UBE2V2: variants seen among roughly 807,000 people sequenced by gnomAD.
UBE2V2 encodes the protein ubiquitin conjugating enzyme E2 V2, also known as ubiquitin-conjugating enzyme E2 variant 2.
UBE2V2 carries 9 observed loss-of-function variants against 17.2 expected under a neutral mutation model. The observed-to-expected ratio is 0.52, with a 90% CI of 0.32 to 0.91. UBE2V2 has a LOEUF of 0.91. UBE2V2 is among the 40% of genes least tolerant of loss of function. UBE2V2 has a pLI of 0.04. For missense variants in UBE2V2, 133 were observed against 182.6 expected (o/e 0.73, Z 1.56); for synonymous variants, 61 against 57.5 (o/e 1.06, Z -0.28).
chr8:48,000,028 G>A, the UBE2V2 span, among the ~76,000 whole-genome samples: 1 of 152,248 alleles, frequency 6.6e-6, no homozygotes, highest in South Asian at 2.1e-4. Context: ...AACCGGTTAG[G>A]TCAGGGGTTG....
At chr8:48,024,869 A>T (rs2091329477) in intron 1 of UBE2V2, among the ~76,000 whole-genome samples, 1 of 152,146 alleles carries the variant, frequency 6.6e-6, no homozygotes. Context: ...TATTCACATA[A>T]ATCTTTTTTG....
At chr8:48,022,511 A>G (rs2091312728) in intron 1 of UBE2V2, among the ~76,000 whole-genome samples, 1 of 152,104 alleles carries the variant, frequency 6.6e-6, no homozygotes, top group Non-Finnish European at 1.5e-5. Context: ...TAACCTTCCT[A>G]CTAAAGATAC....
At chr8:48,032,785 A>G (rs2091392822) in intron 1 of UBE2V2, among the ~76,000 whole-genome samples, 1 of 152,074 alleles carries the variant, frequency 6.6e-6, no homozygotes, top group Admixed American at 6.6e-5. Context: ...GATGTCAATA[A>G]TTGTGTATTA....
chr8:48,007,567 T>A (rs970704169), upstream of UBE2V2, among the ~76,000 whole-genome samples: 266 of 135,228 alleles, frequency 2.0e-3, 1 homozygote, highest in African/African-American at 8.6e-3. Flanking sequence ...ATGTGAAAAA[T>A]CTTTTTTTTT....
chr8:48,031,420 A>G (rs1276128682), intron 1 of UBE2V2, among the ~76,000 whole-genome samples: 1 of 152,206 alleles, frequency 6.6e-6, no homozygotes, highest in Non-Finnish European at 1.5e-5. Flanking sequence ...ATATCTAACA[A>G]ATAGATTCTA....
At chr8:48,013,578 G>T (rs976012221) in intron 1 of UBE2V2, among the ~76,000 whole-genome samples, 3 of 152,096 alleles carry the variant, frequency 2.0e-5, no homozygotes, top group Admixed American at 6.6e-5. Context: ...CAAAGTGCTG[G>T]GATTACAGGC....
chr8:48,008,972 A>T (rs1450161021), intron 1 of UBE2V2, among the ~76,000 whole-genome samples: 1 of 152,134 alleles, frequency 6.6e-6, no homozygotes, highest in African/African-American at 2.4e-5. Flanking sequence ...GAGCGAGAGG[A>T]TCTTTCTTAC....
At chr8:48,011,270 C>G (rs979776634) in intron 1 of UBE2V2, among the ~76,000 whole-genome samples, 2 of 152,008 alleles carry the variant, frequency 1.3e-5, no homozygotes, top group African/African-American at 4.8e-5. Flanking sequence ...TGGGTTTAAG[C>G]AATTCTCCTG....
intron 1 of UBE2V2, among the ~76,000 whole-genome samples, chr8:48,020,046 C>CTTT (rs777644132): frequency 7.0e-6 from 1 of 142,538 alleles, no homozygotes; most frequent in African/African-American, 2.6e-5. Context: ...CTCTGTCTCT[C>CTTT]TTTTTTTTTT....
At chr8:48,040,434 G>T (rs1022644152) in intron 1 of UBE2V2, among the ~76,000 whole-genome samples, 1 of 152,140 alleles carries the variant, frequency 6.6e-6, no homozygotes, top group Non-Finnish European at 1.5e-5. Flanking sequence ...GCATTTGGTT[G>T]TCATGCCTCT....
Position 48,061,764 on chromosome 8 carries a change from C to G in UBE2V2, c.*936C>G, listed in dbSNP as rs1300233403. Reference sequence around the variant, plus strand: ...TTAATTTCTTCTTTGGACAAGGAGTCCTAGGTATTATATTTTGAGTTTGAT... The same window carrying G: ...TTAATTTCTTCTTTGGACAAGGAGTGCTAGGTATTATATTTTGAGTTTGAT... On this transcript the variant is annotated 3_prime_UTR_variant, in exon 4 of 4. Transcript: ENST00000523111. 6.6e-6 allele frequency: 1 copy of G among 152,006 alleles called. No homozygotes were observed. Among genetic ancestry groups the G allele is most frequent in the Non-Finnish European group, 1.5e-5 (1 of 68,006 alleles). 9.4% of individuals were successfully genotyped at this position (152,006 alleles called of 1,614,324 possible). A position where few individuals can be genotyped will look rare whatever the true frequency, so the allele number is the denominator to read the frequency against.
chr8:48,039,746 C>G (rs1421280643), intron 1 of UBE2V2, among the ~76,000 whole-genome samples: 1 of 151,032 alleles, frequency 6.6e-6, no homozygotes, highest in Non-Finnish European at 1.5e-5. Flanking sequence ...TTTTCCTTCT[C>G]TTTTGAGACA....
intron 1 of UBE2V2, among the ~76,000 whole-genome samples, chr8:48,022,402 C>T (rs1361154663): frequency 1.3e-5 from 2 of 152,178 alleles, no homozygotes; most frequent in Non-Finnish European, 1.5e-5. Context: ...TCTCAAAGTG[C>T]TGGGATTACA....
intron 1 of UBE2V2, among the ~76,000 whole-genome samples, chr8:48,034,399 A>G (rs1321616685): frequency 6.6e-6 from 1 of 152,164 alleles, no homozygotes. Flanking sequence ...TGCTGGGATT[A>G]CAGGCGTGAG....
chr8:48,009,493 T>G (rs1230335559), intron 1 of UBE2V2, among the ~76,000 whole-genome samples: 5 of 152,180 alleles, frequency 3.3e-5, no homozygotes, highest in Non-Finnish European at 5.9e-5. Context: ...CTCGAACTCC[T>G]GACCTCAGGT....
chr8:48,018,052 G>A (rs1019850801), intron 1 of UBE2V2, among the ~76,000 whole-genome samples: 1 of 151,904 alleles, frequency 6.6e-6, no homozygotes, highest in African/African-American at 2.4e-5. Context: ...GGCCAGGCTG[G>A]TCTCGAACTC....
At chr8:48,033,476 A>G (rs1455368327) in intron 1 of UBE2V2, among the ~76,000 whole-genome samples, 4 of 151,892 alleles carry the variant, frequency 2.6e-5, no homozygotes, top group Admixed American at 2.6e-4. Context: ...ATGAGCCACC[A>G]CACCTGGCTC....
chr8:48,005,404 T>C (rs2091177550), upstream of UBE2V2, among the ~76,000 whole-genome samples: 2 of 152,216 alleles, frequency 1.3e-5, no homozygotes, highest in Admixed American at 6.5e-5. Flanking sequence ...ACATTTTCTT[T>C]ATGCAGTCTA....
At chr8:48,051,407 C>T (rs976416043) in intron 3 of UBE2V2, among the ~76,000 whole-genome samples, 3 of 152,104 alleles carry the variant, frequency 2.0e-5, no homozygotes, top group East Asian at 1.9e-4. Flanking sequence ...CCCATCCCTG[C>T]GTTCCCTCTC....
Sources: gnomAD v4.1 joint callset for allele counts (sites outside exome capture counted in the v4.1 genomes callset) on GRCh38, gnomAD v4.1.1 for gene constraint, MANE v1.5 for transcripts, NCBI Gene and HGNC (gene_info 2026-07-23, HGNC 2026-07-21) for gene names.